ZNF736: variants seen among roughly 807,000 people sequenced by gnomAD.
ZNF736 encodes KRAB-containing zinc-finger repressor protein.
A neutral mutation model predicts 11.7 loss-of-function variants in ZNF736; 6 were observed. The ratio of observed to expected loss-of-function variants is 0.51; its 90% CI spans 0.28 to 1.01. ZNF736 has a LOEUF of 1.01. ZNF736 is among the 50% of genes least tolerant of loss of function. The probability of loss-of-function intolerance (pLI) is 0.09; values close to 1 mark genes in which losing one functional copy is unlikely to be tolerated. For missense variants in ZNF736, 444 were observed against 496.0 expected (o/e 0.90, Z 1.00); for synonymous variants, 139 against 164.7 (o/e 0.84, Z 1.19).
At position 64,336,351 on chromosome 7, in the gene ZNF736, G is replaced by T. The variant is rs755108880; in HGVS notation, c.96G>T (p.Val32=). ...DSAQQRLYRD[V]MLENYGNLVS... ...CTCAGCAGCGTTTGTATAGGGATGTGATGTTAGAGAACTATGGAAACCTGG... is the reference window on the plus strand; with the variant it reads ...CTCAGCAGCGTTTGTATAGGGATGTTATGTTAGAGAACTATGGAAACCTGG... The change falls in exon 2 of 4, where the codon GTG becomes GTT. Residue 32 remains valine, a synonymous_variant. Transcript: ENST00000423484. 6.2e-7 allele frequency: 1 copy of T among 1,613,650 alleles called. No homozygotes were observed. Among genetic ancestry groups the T allele is most frequent in the Non-Finnish European group, 8.5e-7 (1 of 1,179,830 alleles).
chr7:64,328,398 T>C (rs1281899098), intron 1 of ZNF736, among the ~76,000 whole-genome samples: 1 of 152,110 alleles, frequency 6.6e-6, no homozygotes, highest in African/African-American at 2.4e-5. Flanking sequence ...TGTTTGAATG[T>C]TATTTGTTTC....
intron 1 of ZNF736, among the ~76,000 whole-genome samples, chr7:64,335,056 C>T (rs1030527520): frequency 1.3e-5 from 2 of 152,140 alleles, no homozygotes; most frequent in African/African-American, 4.8e-5. Flanking sequence ...GAAAACCAAA[C>T]ACCGCATGTT....
intron 1 of ZNF736, among the ~76,000 whole-genome samples, chr7:64,319,366 T>TATATATATATAC (rs1788968456): frequency 1.5e-5 from 2 of 133,252 alleles, no homozygotes; most frequent in African/African-American, 5.9e-5. Flanking sequence ...TATATATATA[T>TATATATATATAC]ATATATATAT....
At chr7:64,346,093 T>C (rs1696284377) in intron 3 of ZNF736, among the ~76,000 whole-genome samples, 1 of 152,222 alleles carries the variant, frequency 6.6e-6, no homozygotes, top group African/African-American at 2.4e-5. Flanking sequence ...GCTGTCTATT[T>C]TTGCTTCAGT....
chr7:64,318,239 A>G (rs1263551017), intron 1 of ZNF736, among the ~76,000 whole-genome samples: 1 of 151,966 alleles, frequency 6.6e-6, no homozygotes, highest in Non-Finnish European at 1.5e-5. Flanking sequence ...TTAAACTTGT[A>G]TTTAAAAATT....
intron 3 of ZNF736, among the ~76,000 whole-genome samples, chr7:64,341,595 CCTT>C: frequency 6.6e-6 from 1 of 152,242 alleles, no homozygotes; most frequent in Non-Finnish European, 1.5e-5. Context: ...ACAACATTCA[CCTT>C]CTAGCAGATA....
At position 64,356,222 on chromosome 7, in the gene ZNF736, A is replaced by G. The variant is rs1360745980; in HGVS notation, c.*7075A>G. 1.3e-5 allele frequency: 2 copies of G among 152,192 alleles called. No individual in the cohort carries two copies. The highest frequency in any genetic ancestry group is 1.9e-4 in the East Asian group (1 of 5,198). The allele number at this position is 152,192 out of a possible 1,614,324, so 9.4% of individuals were successfully genotyped here. On this transcript the variant is annotated 3_prime_UTR_variant, in exon 4 of 4. Transcript: ENST00000423484. ...AGATAAAGAGCAAGTAAATGAATCT[A>G]TTTCAGTTTTTGTGGGTAATTTAGC...
chr7:64,329,391 T>A (rs1469311293), intron 1 of ZNF736, among the ~76,000 whole-genome samples: 1 of 152,144 alleles, frequency 6.6e-6, no homozygotes, highest in Non-Finnish European at 1.5e-5. Context: ...CTGTCTTTCT[T>A]AGAAAGGCTT....
chr7:64,323,766 GCT>G (rs1789039035), intron 1 of ZNF736, among the ~76,000 whole-genome samples: 1 of 152,148 alleles, frequency 6.6e-6, no homozygotes, highest in Admixed American at 6.5e-5. Flanking sequence ...AGGAAGAACA[GCT>G]AATGGGTGCT....
intron 1 of ZNF736, among the ~76,000 whole-genome samples, chr7:64,327,286 C>A (rs1789095885): frequency 6.6e-6 from 1 of 152,092 alleles, no homozygotes; most frequent in Non-Finnish European, 1.5e-5. Flanking sequence ...CTTTGGTTGT[C>A]TCTTTTTATA....
At chr7:64,331,035 C>A (rs1345794005) in intron 1 of ZNF736, among the ~76,000 whole-genome samples, 1 of 152,186 alleles carries the variant, frequency 6.6e-6, no homozygotes, top group African/African-American at 2.4e-5. Context: ...GGTAATAATG[C>A]AGGCACTTTC....
At chr7:64,334,392 G>A (rs578034104) in intron 1 of ZNF736, among the ~76,000 whole-genome samples, 4 of 152,160 alleles carry the variant, frequency 2.6e-5, no homozygotes, top group Non-Finnish European at 5.9e-5. Context: ...TGCAATATAT[G>A]CATCCGACAA....
At position 64,349,824 on chromosome 7, in the gene ZNF736, T is replaced by C. The variant is rs531831994; in HGVS notation, c.*677T>C. On this transcript the variant is annotated 3_prime_UTR_variant, in exon 4 of 4. Transcript: ENST00000423484. ...TATTTTTTACTTCTGAAGCTTACCT[T>C]GGTCAGATATGAAATTCTGTGTTGG... is the stretch of plus-strand genomic sequence containing the variant. 1 of 152,418 alleles carries C rather than the reference T, an allele frequency of 6.6e-6. No homozygotes were observed. The highest frequency in any genetic ancestry group is 6.5e-5 in the Admixed American group (1 of 15,312). 9.4% of individuals were successfully genotyped at this position (152,418 alleles called of 1,614,324 possible). A position where few individuals can be genotyped will look rare whatever the true frequency, so the allele number is the denominator to read the frequency against.
At chr7:64,337,043 C>A in intron 3 of ZNF736, 61 bp downstream of exon 3, 2 of 1,390,324 alleles carry the variant, frequency 1.4e-6, no homozygotes, top group Non-Finnish European at 2.0e-6. Flanking sequence ...AAGGAGGAAG[C>A]CAAACCTTTA....
Position 64,348,608 on chromosome 7 carries a change from A to G in ZNF736, c.745A>G (p.Arg249Gly). Residue 249 changes from arginine (R) to glycine (G), a missense_variant, in exon 4 of 4, where the codon AGA becomes GGA. Physicochemically the swap from Arg to Gly is moderately radical, Grantham distance 125. Transcript: ENST00000423484. ...TCSSTLVKHK[R>G]NHTGDRPYKC... ...CTCCTCAACCCTTGTTAAACACAAG[A>G]GAAATCATACTGGAGACAGACCCTA... The G allele has an allele frequency of 6.2e-7, 1 of 1,601,676 alleles. No individual in the cohort carries two copies. Among genetic ancestry groups the G allele is most frequent in the South Asian group, 1.1e-5 (1 of 89,768 alleles).
intron 3 of ZNF736, among the ~76,000 whole-genome samples, chr7:64,344,963 T>C (rs1789387710): frequency 4.0e-5 from 6 of 151,114 alleles, no homozygotes; most frequent in Admixed American, 3.9e-4. Context: ...TGAGATCTTA[T>C]GTAATTTTGT....
At position 64,314,019 on chromosome 7, in the gene ZNF736, T is replaced by C. The variant is rs2115851071; in HGVS notation, c.-132T>C. On this transcript the variant is annotated 5_prime_UTR_variant, in exon 1 of 4. Coordinates refer to ENST00000423484, the MANE Select transcript of ZNF736 (RefSeq NM_001170905.3). ...CTAGCTTCCGGGCTCTGATCCTAGT[T>C]CGCGTCTCCACTGTTCCATCTCCTC... 6 of 1,281,474 alleles carry C rather than the reference T, an allele frequency of 4.7e-6. No homozygotes were observed. Among genetic ancestry groups the C allele is most frequent in the Admixed American group, 2.0e-5 (1 of 49,752 alleles). 79.4% of individuals were successfully genotyped at this position (1,281,474 alleles called of 1,614,324 possible). A position where few individuals can be genotyped will look rare whatever the true frequency, so the allele number is the denominator to read the frequency against.
chr7:64,336,482 GA>G, intron 2 of ZNF736, 97 bp downstream of exon 2: 1 of 1,328,026 alleles, frequency 7.5e-7, no homozygotes, highest in African/African-American at 1.5e-5. Context: ...ATGAGTTTCA[GA>G]ATCCTGCTTC....
rs867236980 is a variant in ZNF736, at chr7:64,347,214, C to T, written c.227-876C>T. Reference sequence around the variant, plus strand: ...GTGTGTTTTTTAGTTAAAAAATGTTCGCCTTTTTTTTTTTTTTTTTTTTTT... The same window carrying T: ...GTGTGTTTTTTAGTTAAAAAATGTTTGCCTTTTTTTTTTTTTTTTTTTTTT... On this transcript the variant is annotated intron_variant, in intron 3 of 3. Coordinates refer to ENST00000423484, the MANE Select transcript of ZNF736 (RefSeq NM_001170905.3). Among the ~76,000 whole-genome samples the T allele has an allele frequency of 1.9e-4, 23 of 118,140 alleles. 1 individual carries two copies. In the South Asian group the frequency reaches 3.7e-3, roughly 19 times the overall value. 77.5% of individuals were successfully genotyped at this position (118,140 alleles called of 152,430 possible). A position where few individuals can be genotyped will look rare whatever the true frequency, so the allele number is the denominator to read the frequency against.
Sources: gnomAD v4.1 joint callset for allele counts (sites outside exome capture counted in the v4.1 genomes callset) on GRCh38, gnomAD v4.1.1 for gene constraint, MANE v1.5 for transcripts, NCBI Gene and HGNC (gene_info 2026-07-23, HGNC 2026-07-21) for gene names.